PCDH7: variants seen among roughly 807,000 people sequenced by gnomAD.
PCDH7 encodes the protein protocadherin 7.
Under a neutral mutation model 58.9 loss-of-function variants are expected in PCDH7, and 17 were observed. The ratio of observed to expected loss-of-function variants is 0.29; its 90% CI spans 0.20 to 0.43. PCDH7 has a LOEUF of 0.43. Ranked by LOEUF, PCDH7 falls within the 20% of genes least tolerant of loss-of-function variation. PCDH7 has a pLI of 1.00. For synonymous variants in PCDH7, 664 were observed against 616.4 expected, an observed-to-expected ratio of 1.08 and a Z score of -1.14; for missense variants, 1,274 against 1,441.0, an observed-to-expected ratio of 0.88 and a Z score of 1.88.
At chr4:31,010,453 G>T (rs1313374203) in intron 3 of PCDH7, among the ~76,000 whole-genome samples, 2 of 151,836 alleles carry the variant, frequency 1.3e-5, no homozygotes, top group African/African-American at 4.8e-5. Context: ...GATTGTAACA[G>T]ATCTAAAAAA....
intron 2 of PCDH7, chr4:30,935,455 A>T (rs918036337): frequency 4.2e-6 from 1 of 237,078 alleles, no homozygotes; most frequent in Non-Finnish European, 6.9e-6. Context: ...TATAACAAAT[A>T]TAATTCTATG....
rs144837969 is a variant in PCDH7 at position 30,928,817 on chromosome 4, G to T, written c.287+8448G>T. On this transcript the variant is annotated intron_variant, in intron 2 of 3. Transcript: ENST00000509759. ...AAAACAATTATTATACTGGCCTGGA[G>T]GCTTCATTTGAAGCCAAATAAATTC... Among the ~76,000 whole-genome samples the T allele has an allele frequency of 2.2e-3, 340 of 151,970 alleles. 1 individual carries two copies. Among genetic ancestry groups the T allele is most frequent in the African/African-American group, 8.0e-3 (330 of 41,464 alleles).
chr4:30,990,944 A>G (rs1266609043), intron 3 of PCDH7, among the ~76,000 whole-genome samples: 1 of 152,174 alleles, frequency 6.6e-6, no homozygotes, highest in Admixed American at 6.5e-5. Flanking sequence ...AATTCTTTAC[A>G]TATATAATGA....
chr4:30,931,596 T>C (rs1029086486), intron 2 of PCDH7, among the ~76,000 whole-genome samples: 15 of 151,326 alleles, frequency 9.9e-5, no homozygotes, highest in East Asian at 3.9e-4. Flanking sequence ...TATATAAATA[T>C]ATATATGTAG....
intron 3 of PCDH7, among the ~76,000 whole-genome samples, chr4:31,084,674 GA>G (rs1712101908): frequency 7.7e-6 from 1 of 129,876 alleles, no homozygotes; most frequent in East Asian, 2.6e-4. Flanking sequence ...GAGAGAGAGA[GA>G]GATAAAGGGG....
At chr4:31,128,971 C>T (rs1718644981) in intron 3 of PCDH7, among the ~76,000 whole-genome samples, 1 of 152,164 alleles carries the variant, frequency 6.6e-6, no homozygotes, top group African/African-American at 2.4e-5. Context: ...TGGCCAGTGA[C>T]ATTGCATTTA....
intron 3 of PCDH7, among the ~76,000 whole-genome samples, chr4:30,975,143 TTGTGTG>T (rs35675648): frequency 0.063 from 8,805 of 138,742 alleles, 390 homozygotes; most frequent in East Asian, 0.27. Flanking sequence ...TTCCCTTTCA[TTGTGTG>T]TGTGTGTGTG....
At chr4:31,000,226 T>C (rs1752253352) in intron 3 of PCDH7, among the ~76,000 whole-genome samples, 1 of 152,062 alleles carries the variant, frequency 6.6e-6, no homozygotes, top group South Asian at 2.1e-4. Context: ...AGTAGTAGGG[T>C]TTTGCTGTCA....
intron 3 of PCDH7, among the ~76,000 whole-genome samples, chr4:30,982,317 AT>A: frequency 6.6e-6 from 1 of 152,260 alleles, no homozygotes; most frequent in South Asian, 2.1e-4. Context: ...TTTCATGTGA[AT>A]TTCTCCTTGA....
intron 3 of PCDH7, among the ~76,000 whole-genome samples, chr4:31,050,382 AT>A (rs1387688840): frequency 6.6e-6 from 1 of 152,158 alleles, no homozygotes; most frequent in Non-Finnish European, 1.5e-5. Flanking sequence ...TGGAAAATAA[AT>A]TTTACATGAC....
chr4:30,959,172 A>T (rs1243418034), intron 3 of PCDH7, among the ~76,000 whole-genome samples: 1 of 152,048 alleles, frequency 6.6e-6, no homozygotes, highest in Non-Finnish European at 1.5e-5. Flanking sequence ...AGATTCACTG[A>T]TGAGAATGAC....
At chr4:30,797,769 C>T (rs1327256071) in intron 1 of PCDH7, among the ~76,000 whole-genome samples, 6 of 152,184 alleles carry the variant, frequency 3.9e-5, no homozygotes, top group Middle Eastern at 3.4e-3. Context: ...TGGTTGAATA[C>T]ATTTGATGCT....
intron 1 of PCDH7, chr4:30,725,318 A>C: frequency 5.1e-6 from 5 of 987,038 alleles, no homozygotes; most frequent in Non-Finnish European, 4.9e-6. Context: ...ACAAAAATAC[A>C]TTGCATGAGC....
intron 1 of PCDH7, among the ~76,000 whole-genome samples, chr4:30,761,305 C>A (rs1411556264): frequency 6.6e-6 from 1 of 152,176 alleles, no homozygotes; most frequent in Non-Finnish European, 1.5e-5. Flanking sequence ...TTACAAAGTA[C>A]ACTGGGCTCT....
chr4:30,797,867 T>A (rs910553628), intron 1 of PCDH7, among the ~76,000 whole-genome samples: 1 of 152,208 alleles, frequency 6.6e-6, no homozygotes, highest in Non-Finnish European at 1.5e-5. Context: ...GTTTATCACA[T>A]TCTTAAGAAA....
intron 1 of PCDH7, among the ~76,000 whole-genome samples, chr4:30,770,487 A>G (rs1721259821): frequency 1.3e-5 from 2 of 152,210 alleles, no homozygotes; most frequent in Non-Finnish European, 2.9e-5. Context: ...AGTAAATGGA[A>G]AGAGAAATAT....
At chr4:30,774,299 A>C (rs566945323) in intron 1 of PCDH7, among the ~76,000 whole-genome samples, 1 of 152,180 alleles carries the variant, frequency 6.6e-6, no homozygotes, top group Non-Finnish European at 1.5e-5. Flanking sequence ...GCAAAGTTAC[A>C]CAGCAAGTTA....
chr4:31,093,266 A>T (rs1560217479), intron 3 of PCDH7, among the ~76,000 whole-genome samples: 1 of 152,076 alleles, frequency 6.6e-6, no homozygotes, highest in Non-Finnish European at 1.5e-5. Flanking sequence ...TTTTCATTAC[A>T]TTTATTTCAT....
At position 31,057,421 on chromosome 4, in the gene PCDH7, A is replaced by G. The variant is rs77923734; in HGVS notation, c.*8-85052A>G. Among the ~76,000 whole-genome samples the G allele has an allele frequency of 1.2e-3, 176 of 152,292 alleles. 6 individuals carry two copies. In the East Asian group the frequency reaches 0.027, roughly 24 times the overall value. ...TCATTGCATGAGTCTCCTGGTATAA[A>G]CATATATGAACTTTTCTGTACTGGG... On this transcript the variant is annotated intron_variant, in intron 3 of 3. Transcript: ENST00000509759.
Sources: allele counts gnomAD v4.1 joint callset (sites outside exome capture counted in the v4.1 genomes callset), GRCh38; gene constraint gnomAD v4.1.1; transcripts MANE v1.5; gene names NCBI Gene and HGNC (gene_info 2026-07-23, HGNC 2026-07-21).